Variants in CLCNKA observed in about 807,000 individuals in gnomAD.
CLCNKA encodes the protein chloride voltage-gated channel Ka.
A neutral mutation model predicts 83.3 loss-of-function variants in CLCNKA; 66 were observed. The observed-to-expected ratio is 0.79, with a 90% CI of 0.65 to 0.97. The LOEUF is 0.97. CLCNKA is among the 50% of genes least tolerant of loss of function. The pLI, the probability that CLCNKA is intolerant of heterozygous loss-of-function variation, is 0.00. For synonymous variants in CLCNKA, 357 were observed against 370.4 expected (o/e 0.96, Z 0.42); for missense variants, 806 against 888.7 (o/e 0.91, Z 1.18).
intron 18 of CLCNKA, 149 bp from the exon 19 acceptor site, chr1:16,033,021 C>T: frequency 2.3e-6 from 2 of 855,574 alleles, no homozygotes; most frequent in Non-Finnish European, 4.0e-6. Flanking sequence ...CCCCAGTGGC[C>T]CACACTGGAC....
At chr1:16,030,717 G>C in intron 15 of CLCNKA, 43 bp downstream of exon 15, 3 of 1,611,836 alleles carry the variant, frequency 1.9e-6, no homozygotes, top group Non-Finnish European at 2.5e-6. Context: ...GGGTCACAGT[G>C]TTTGGGCTTG....
In CLCNKA at chr1:16,027,867, C is replaced by T; in HGVS notation, c.828C>T (p.Pro276=). ...LYKTSFRVDV[P]FDLPEIFFFV... is the part of the protein sequence containing the mutation. ...AGACCAGTTTCCGGGTGGACGTTCCCTTCGACCTGCCTGAGATCTTCTTTT... is the reference window on the plus strand; with the variant it reads ...AGACCAGTTTCCGGGTGGACGTTCCTTTCGACCTGCCTGAGATCTTCTTTT... The change falls in exon 9 of 20, where the codon CCC becomes CCT. Residue 276 remains proline (P), a synonymous_variant. Transcript: ENST00000331433. 6.2e-7 allele frequency: 1 copy of T among 1,613,522 alleles called. No homozygotes were observed. Among genetic ancestry groups the T allele is most frequent in the South Asian group, 1.1e-5 (1 of 91,072 alleles).
Position 16,033,965 on chromosome 1 carries a change from T to C in CLCNKA, c.*307T>C, listed in dbSNP as rs2022744591. 3 of 457,688 alleles carry C rather than the reference T, an allele frequency of 6.6e-6. No homozygotes were observed. Among genetic ancestry groups the C allele is most frequent in the Admixed American group, 2.7e-5 (1 of 37,048 alleles). 28.4% of individuals were successfully genotyped at this position (457,688 alleles called of 1,614,324 possible). ...AATGAATGACGAGATTGGAGTACAC[T>C]GTCACCAAGGGCAGGCAAAGATGCC... On this transcript the variant is annotated 3_prime_UTR_variant, in exon 20 of 20. Transcript: ENST00000331433.
At position 16,029,300 on chromosome 1, in the gene CLCNKA, G is replaced by A. The variant is rs767813401; in HGVS notation, c.1227+1G>A. 1 of 1,613,726 alleles carries A rather than the reference G, an allele frequency of 6.2e-7. No individual in the cohort carries two copies. Among genetic ancestry groups the A allele is most frequent in the Non-Finnish European group, 8.5e-7 (1 of 1,179,992 alleles). ...CCTTGCCTTCTTCCTGGTTATGAAG[G>A]TGGGCCCCCTGACCCCCAGGTGTGC... On this transcript the variant is annotated splice_donor_variant, in intron 12 of 19. Transcript: ENST00000331433. LOFTEE classifies it high-confidence loss of function.
In CLCNKA at chr1:16,033,923, T is replaced by A. The variant is rs2022742901; in HGVS notation, c.*265T>A. 1.7e-6 allele frequency: 1 copy of A among 595,810 alleles called. No individual in the cohort carries two copies. The highest frequency in any genetic ancestry group is 2.3e-5 in the African/African-American group (1 of 43,370). 36.9% of individuals were successfully genotyped at this position (595,810 alleles called of 1,614,324 possible). ...AAACCAGTATCTGCCAGGTGCTCAG[T>A]GACTGGCCATCACATTAATGAATGA... On this transcript the variant is annotated 3_prime_UTR_variant, in exon 20 of 20. Transcript: ENST00000331433.
intron 11 of CLCNKA, 37 bp from the exon 12 acceptor site, chr1:16,029,089 G>A (rs372743019): frequency 1.9e-6 from 3 of 1,602,734 alleles, no homozygotes; most frequent in Admixed American, 1.7e-5. Flanking sequence ...CGCTGGGGGG[G>A]GCCCCTCATG....
At chr1:16,022,827 C>G (rs1200487252) in intron 2 of CLCNKA, 108 bp downstream of exon 2, 7 of 806,608 alleles carry the variant, frequency 8.7e-6, no homozygotes, top group Non-Finnish European at 1.1e-5. Flanking sequence ...TGTCATTTGT[C>G]CAGGACATGA....
chr1:16,028,967 TAAG>T lies in CLCNKA; in HGVS notation c.1053+123_1053+125del, dbSNP rs1287350797. On this transcript the variant is annotated intron_variant, in intron 11 of 19. Coordinates refer to ENST00000331433, the MANE Select transcript of CLCNKA (RefSeq NM_004070.4). ...TGACACCTGGGCATCATTCTGCAGATAAGGAGACCATGGCTCTGGGAGGTCAGA... is the reference window on the plus strand; with the variant it reads ...TGACACCTGGGCATCATTCTGCAGATGAGACCATGGCTCTGGGAGGTCAGA... 6.7e-6 allele frequency: 10 copies of T among 1,490,872 alleles called. No individual in the cohort carries two copies. In the East Asian group the frequency reaches 1.2e-4, roughly 17 times the overall value. The allele number at this position is 1,490,872 out of a possible 1,614,324, so 92.4% of individuals were successfully genotyped here.
Position 16,033,769 on chromosome 1 carries a change from C to T in CLCNKA, c.*111C>T, listed in dbSNP as rs1364151149. 17 of 1,094,120 alleles carry T rather than the reference C, an allele frequency of 1.6e-5. No homozygotes were observed. The highest frequency in any genetic ancestry group is 2.4e-5 in the Non-Finnish European group (17 of 722,110). The allele number at this position is 1,094,120 out of a possible 1,614,324, so 67.8% of individuals were successfully genotyped here. ...ACCTGCCCCTCCCTCCAGCCCAGCT[C>T]CATTCTTTGGCATAACAGGCAACTC... On this transcript the variant is annotated 3_prime_UTR_variant, in exon 20 of 20. Transcript: ENST00000331433.
intron 4 of CLCNKA, among the ~76,000 whole-genome samples, 173 bp downstream of exon 4, chr1:16,025,064 G>A (rs1158879121): frequency 1.3e-5 from 2 of 152,230 alleles, no homozygotes; most frequent in Admixed American, 6.5e-5. Context: ...TTGGGTCACT[G>A]CTGGCCCTAC....
intron 2 of CLCNKA, among the ~76,000 whole-genome samples, chr1:16,023,004 A>G (rs373206732): frequency 1.1e-4 from 16 of 152,184 alleles, no homozygotes; most frequent in African/African-American, 3.1e-4. Context: ...ACCTGTGCCA[A>G]TGAGGGGACG....
In CLCNKA at chr1:16,027,333, A is replaced by C. The variant is rs200465575; in HGVS notation, c.679A>C (p.Met227Leu). The C allele has an allele frequency of 1.2e-6, 2 of 1,613,436 alleles. No homozygotes were observed. Among genetic ancestry groups the C allele is most frequent in the Non-Finnish European group, 1.7e-6 (2 of 1,179,966 alleles). Residue 227 changes from methionine (M) to leucine (L), a missense_variant, in exon 8 of 20, where the codon ATG becomes CTG. Coordinates refer to ENST00000331433, the MANE Select transcript of CLCNKA (RefSeq NM_004070.4). ...AGGCGTCCTGTTCAGCATCGAGGTC[A>C]TGTCTTCCCACTTCTCTGTCCGGGA... is the stretch of plus-strand genomic sequence containing the variant. ...FSGVLFSIEV[M>L]SSHFSVRDYW...
rs1011753987 is a variant in CLCNKA, at chr1:16,027,734, C to G, written c.782-87C>G. On this transcript the variant is annotated intron_variant, in intron 8 of 19. Transcript: ENST00000331433. ...CAGATTCCGAGTCAGGACCTGGCAC[C>G]CCCTCCACCCTGGGCTGTTAGTCTG... The G allele has an allele frequency of 1.1e-5, 16 of 1,398,072 alleles. No homozygotes were observed. In the African/African-American group the frequency reaches 1.6e-4, roughly 14 times the overall value. 86.6% of individuals were successfully genotyped at this position (1,398,072 alleles called of 1,614,324 possible). A position where few individuals can be genotyped will look rare whatever the true frequency, so the allele number is the denominator to read the frequency against.
chr1:16,030,985 G>A (rs2022601889), intron 15 of CLCNKA, among the ~76,000 whole-genome samples: 1 of 152,180 alleles, frequency 6.6e-6, no homozygotes, highest in Admixed American at 6.5e-5. Flanking sequence ...CTTGCTCCAG[G>A]TGACACAGAG....
rs1260217074 is a variant in CLCNKA at position 16,030,201 on chromosome 1, A to G, written c.1408+126A>G. The G allele has an allele frequency of 9.1e-6, 7 of 768,766 alleles. No individual in the cohort carries two copies. In the East Asian group the frequency reaches 1.1e-4, roughly 12 times the overall value. The allele number at this position is 768,766 out of a possible 1,614,324, so 47.6% of individuals were successfully genotyped here. On this transcript the variant is annotated intron_variant, in intron 14 of 19. Transcript: ENST00000331433. ...TCCTCCAGTGAACCCCCTACCCCTCATGGGGGTCTGTCCCTCCTGAGCCCC... is the reference window on the plus strand; with the variant it reads ...TCCTCCAGTGAACCCCCTACCCCTCGTGGGGGTCTGTCCCTCCTGAGCCCC...
In CLCNKA at chr1:16,030,582, C is replaced by G. The variant is rs756181468; in HGVS notation, c.1530C>G (p.Ala510=). ...PVLMAVLAAN[A]IAQSCQPSFY... Reference sequence around the variant, plus strand: ...TGATGGCGGTGCTGGCAGCCAACGCCATTGCACAGAGCTGCCAGCCCTCCT... The same window carrying G: ...TGATGGCGGTGCTGGCAGCCAACGCGATTGCACAGAGCTGCCAGCCCTCCT... The change falls in exon 15 of 20, where the codon GCC becomes GCG. Residue 510 remains alanine (A), a synonymous_variant. Coordinates refer to ENST00000331433, the MANE Select transcript of CLCNKA (RefSeq NM_004070.4). 252 of 1,612,952 alleles carry G rather than the reference C, an allele frequency of 1.6e-4. 2 individuals are homozygous for G. The highest frequency in any genetic ancestry group is 7.5e-5 in the Non-Finnish European group (89 of 1,180,050).
Position 16,033,170 on chromosome 1 carries a change from G to T in CLCNKA, c.1930G>T (p.Ala644Ser). 6.2e-7 allele frequency: 1 copy of T among 1,614,072 alleles called. No homozygotes were observed. The highest frequency in any genetic ancestry group is 8.5e-7 in the Non-Finnish European group (1 of 1,179,950). ...TLFSETTLHQ[A>S]QNLFKLLNLQ... Reference sequence around the variant, plus strand: ...TGTTTCCTAACAATCCCCCATCCAGGCACAAAACCTCTTTAAGCTGTTGAA... The same window carrying T: ...TGTTTCCTAACAATCCCCCATCCAGTCACAAAACCTCTTTAAGCTGTTGAA... Residue 644 changes from alanine to serine, a missense_variant and splice_region_variant, in exon 19 of 20, where the codon GCA becomes TCA. Physicochemically the swap from Ala to Ser is moderately conservative, Grantham distance 99. Transcript: ENST00000331433.
At chr1:16,030,355 C>G (rs1347235938) in intron 14 of CLCNKA, 106 bp from the exon 15 acceptor site, 1 of 1,416,074 alleles carries the variant, frequency 7.1e-7, no homozygotes, top group Non-Finnish European at 9.8e-7. Flanking sequence ...TGGCCTCTTA[C>G]AATTCCCACC....
rs111470804 is a variant in CLCNKA, at chr1:16,023,055, G to T, written c.100+336G>T. Among the ~76,000 whole-genome samples, 3,260 of 152,368 alleles carry T rather than the reference G, an allele frequency of 0.021. 59 individuals carry two copies. Among genetic ancestry groups the T allele is most frequent in the Non-Finnish European group, 0.028 (1,933 of 68,028 alleles). Reference sequence around the variant, plus strand: ...GGGACAGCTGGGGGCACAGCAAGGGGCTGGGGCAGCCTGCACTTGGCACCC... The same window carrying T: ...GGGACAGCTGGGGGCACAGCAAGGGTCTGGGGCAGCCTGCACTTGGCACCC... On this transcript the variant is annotated intron_variant, in intron 2 of 19. Transcript: ENST00000331433.
Sources: allele counts gnomAD v4.1 joint callset (sites outside exome capture counted in the v4.1 genomes callset), GRCh38; gene constraint gnomAD v4.1.1; transcripts MANE v1.5; gene names NCBI Gene and HGNC (gene_info 2026-07-23, HGNC 2026-07-21).